Variants in SRGAP1 observed in about 807,000 individuals in gnomAD.
The protein encoded by SRGAP1 is SLIT-ROBO Rho GTPase activating protein 1.
Under a neutral mutation model 121.9 loss-of-function variants are expected in SRGAP1, and 43 were observed. The observed-to-expected ratio is 0.35, with a 90% CI of 0.28 to 0.46. SRGAP1 has a LOEUF of 0.46. Ranked by LOEUF, SRGAP1 falls within the 20% of genes least tolerant of loss-of-function variation. SRGAP1 has a pLI of 1.00. For synonymous variants in SRGAP1, 447 were observed against 485.4 expected (o/e 0.92, Z 1.04); for missense variants, 1,102 against 1,350.9 (o/e 0.82, Z 2.89).
chr12:64,124,872 T>C (rs1418279970), intron 18 of SRGAP1, among the ~76,000 whole-genome samples: 2 of 152,276 alleles, frequency 1.3e-5, no homozygotes, highest in Middle Eastern at 3.4e-3. Flanking sequence ...TTTCTGTCAA[T>C]GGTGATATCT....
chr12:63,963,281 T>G (rs1592986722), intron 1 of SRGAP1, among the ~76,000 whole-genome samples: 1 of 152,190 alleles, frequency 6.6e-6, no homozygotes, highest in East Asian at 1.9e-4. Flanking sequence ...CATGGCATAT[T>G]TTTCTTCTTT....
intron 18 of SRGAP1, among the ~76,000 whole-genome samples, chr12:64,124,788 T>C (rs1238509859): frequency 6.6e-6 from 1 of 152,196 alleles, no homozygotes; most frequent in Non-Finnish European, 1.5e-5. Flanking sequence ...TCTAACTTAT[T>C]ATTTTGAAAT....
chr12:64,016,213 A>G (rs755249866), intron 3 of SRGAP1, among the ~76,000 whole-genome samples: 29 of 152,168 alleles, frequency 1.9e-4, no homozygotes, highest in Non-Finnish European at 1.2e-4. Context: ...TGGGAGACTG[A>G]GGCAGGCAGA....
At chr12:63,972,901 C>T (rs1341853439) in intron 1 of SRGAP1, among the ~76,000 whole-genome samples, 5 of 152,090 alleles carry the variant, frequency 3.3e-5, no homozygotes, top group Non-Finnish European at 7.4e-5. Flanking sequence ...GTAATCCCAG[C>T]ACTTGGGAGG....
chr12:63,954,950 CT>C (rs774949199), intron 1 of SRGAP1, among the ~76,000 whole-genome samples: 1 of 151,908 alleles, frequency 6.6e-6, no homozygotes, highest in East Asian at 1.9e-4. Context: ...TTCCCCTTTC[CT>C]TTTTTTTAAA....
chr12:64,093,329 CT>C (rs950165415), intron 12 of SRGAP1, among the ~76,000 whole-genome samples: 16 of 152,004 alleles, frequency 1.1e-4, no homozygotes, highest in African/African-American at 3.9e-4. Flanking sequence ...CTGATCATAG[CT>C]TTTTTAAAAA....
chr12:64,051,476 A>G (rs531033353), intron 6 of SRGAP1, among the ~76,000 whole-genome samples: 40 of 152,328 alleles, frequency 2.6e-4, no homozygotes, highest in African/African-American at 8.9e-4. Flanking sequence ...TACAGTAAAA[A>G]TTAATAATGT....
intron 1 of SRGAP1, among the ~76,000 whole-genome samples, chr12:63,969,346 G>T (rs1292398731): frequency 6.6e-6 from 1 of 152,042 alleles, no homozygotes; most frequent in Non-Finnish European, 1.5e-5. Flanking sequence ...AAGCGGTGGG[G>T]GTGGGGAGGT....
chr12:64,144,450 C>T lies in SRGAP1; in HGVS notation c.*1778C>T, dbSNP rs577768501. 2 of 152,264 alleles carry T rather than the reference C, an allele frequency of 1.3e-5. No individual in the cohort carries two copies. Among genetic ancestry groups the T allele is most frequent in the South Asian group, 2.1e-4 (1 of 4,822 alleles). The allele number at this position is 152,264 out of a possible 1,614,324, so 9.4% of individuals were successfully genotyped here. A position where few individuals can be genotyped will look rare whatever the true frequency, so the allele number is the denominator to read the frequency against. The stretch of plus-strand genomic sequence containing the variant: ...CTAAAATCAAGATCATTACTTTGAT[C>T]TCTACCTCAGTTTGCCAGTGTAGTC... On this transcript the variant is annotated 3_prime_UTR_variant, in exon 22 of 22. Coordinates refer to ENST00000355086, the MANE Select transcript of SRGAP1 (RefSeq NM_020762.4).
chr12:63,871,807 T>G, intron 1 of SRGAP1: 4 of 1,349,404 alleles, frequency 3.0e-6, no homozygotes, highest in Non-Finnish European at 4.3e-6. Context: ...CATCTGTTAA[T>G]GGCCAGCATC....
At chr12:64,107,929 A>G (rs1386234818) in intron 15 of SRGAP1, among the ~76,000 whole-genome samples, 1 of 152,176 alleles carries the variant, frequency 6.6e-6, no homozygotes, top group Admixed American at 6.5e-5. Context: ...CTTATGAAAC[A>G]GAAAACAGAC....
intron 3 of SRGAP1, among the ~76,000 whole-genome samples, chr12:63,992,774 C>G (rs1472175236): frequency 6.6e-6 from 1 of 151,870 alleles, no homozygotes; most frequent in Non-Finnish European, 1.5e-5. Flanking sequence ...TGCTTGCTAC[C>G]AGGAGTTCTC....
intron 1 of SRGAP1, among the ~76,000 whole-genome samples, chr12:63,949,396 TTTATTATTATTATTATTATTATTA>T (rs71089906): frequency 2.4e-5 from 3 of 126,072 alleles, no homozygotes; most frequent in Admixed American, 8.4e-5. Flanking sequence ...ATTTTTATTA[TTTATTATTATTATTATTATTATTA>T]TTATTATTAT....
chr12:63,966,247 A>G (rs1312081128), intron 1 of SRGAP1, among the ~76,000 whole-genome samples: 1 of 152,194 alleles, frequency 6.6e-6, no homozygotes, highest in African/African-American at 2.4e-5. Flanking sequence ...AATAATAATA[A>G]TACTGATAGT....
chr12:64,017,648 C>CT (rs1361833484), intron 4 of SRGAP1, among the ~76,000 whole-genome samples: 1 of 146,154 alleles, frequency 6.8e-6, no homozygotes. Flanking sequence ...GAGTGAGACT[C>CT]TATCTCAAAA....
intron 1 of SRGAP1, among the ~76,000 whole-genome samples, chr12:63,886,144 T>C (rs938231775): frequency 6.6e-6 from 1 of 152,156 alleles, no homozygotes; most frequent in South Asian, 2.1e-4. Flanking sequence ...CACTGCAACC[T>C]TCGCCTCCCA....
At chr12:64,087,738 A>C (rs1226571235) in intron 11 of SRGAP1, among the ~76,000 whole-genome samples, 1 of 152,148 alleles carries the variant, frequency 6.6e-6, no homozygotes, top group African/African-American at 2.4e-5. Flanking sequence ...CATCTCAAAA[A>C]ATAAAAATAA....
chr12:63,954,981 T>C (rs2032418580), intron 1 of SRGAP1, among the ~76,000 whole-genome samples: 1 of 152,200 alleles, frequency 6.6e-6, no homozygotes, highest in Non-Finnish European at 1.5e-5. Flanking sequence ...TAAAAAATTA[T>C]TTGCTTTTGA....
intron 12 of SRGAP1, among the ~76,000 whole-genome samples, chr12:64,091,741 T>A (rs2036056278): frequency 6.6e-6 from 1 of 152,204 alleles, no homozygotes; most frequent in Admixed American, 6.5e-5. Flanking sequence ...CTTGTTAGGA[T>A]AGCTCTGAAA....
Sources: gnomAD v4.1 joint callset for allele counts (sites outside exome capture counted in the v4.1 genomes callset) on GRCh38, gnomAD v4.1.1 for gene constraint, MANE v1.5 for transcripts, NCBI Gene and HGNC (gene_info 2026-07-23, HGNC 2026-07-21) for gene names.